CDH18: variants seen among roughly 807,000 people sequenced by gnomAD.
CDH18 encodes the protein cadherin-18.
Under a neutral mutation model 67.9 loss-of-function variants are expected in CDH18, and 31 were observed. The ratio of observed to expected loss-of-function variants is 0.46; its 90% CI spans 0.34 to 0.62. The LOEUF (loss-of-function observed/expected upper bound fraction) is 0.62. Ranked by LOEUF, CDH18 falls within the 20% of genes least tolerant of loss-of-function variation. The pLI, the probability that CDH18 is intolerant of heterozygous loss-of-function variation, is 0.01. For synonymous variants in CDH18, 362 were observed against 347.2 expected (o/e 1.04, Z -0.48); for missense variants, 890 against 975.5 (o/e 0.91, Z 1.17).
At chr5:19,673,561 G>C (rs1759056370) in intron 5 of CDH18, among the ~76,000 whole-genome samples, 1 of 151,870 alleles carries the variant, frequency 6.6e-6, no homozygotes, top group Admixed American at 6.6e-5. Context: ...TATATTTAGT[G>C]GTTGTTTCTT....
At chr5:19,814,651 C>T (rs1779101318) in intron 3 of CDH18, among the ~76,000 whole-genome samples, 1 of 151,842 alleles carries the variant, frequency 6.6e-6, no homozygotes, top group Non-Finnish European at 1.5e-5. Context: ...ATTTGATTTA[C>T]AAAGAAAACT....
intron 2 of CDH18, among the ~76,000 whole-genome samples, chr5:19,843,259 T>G (rs898260513): frequency 6.6e-6 from 1 of 152,094 alleles, no homozygotes; most frequent in Non-Finnish European, 1.5e-5. Context: ...CCTTGCTGCT[T>G]TGTGCAGTCT....
At chr5:20,472,431 T>C (rs982781) in intron 1 of CDH18, among the ~76,000 whole-genome samples, 8,355 of 152,240 alleles carry the variant, frequency 0.055, 760 homozygotes, top group African/African-American at 0.19. Context: ...CTGTAACAAA[T>C]GTACCACCTT....
intron 2 of CDH18, among the ~76,000 whole-genome samples, chr5:19,974,863 AT>A (rs1396067323): frequency 6.6e-6 from 1 of 152,082 alleles, no homozygotes; most frequent in Non-Finnish European, 1.5e-5. Context: ...GTGAAGAGGC[AT>A]TATGGATGGA....
intron 2 of CDH18, among the ~76,000 whole-genome samples, chr5:19,875,948 A>G (rs1786942699): frequency 6.6e-6 from 1 of 152,080 alleles, no homozygotes; most frequent in Admixed American, 6.6e-5. Flanking sequence ...ATTAAAATGA[A>G]TCAAAGTTAT....
chr5:20,482,311 T>C (rs1031282745), intron 1 of CDH18, among the ~76,000 whole-genome samples: 1 of 151,882 alleles, frequency 6.6e-6, no homozygotes, highest in Non-Finnish European at 1.5e-5. Context: ...TTCCAGCAAA[T>C]AAAAGCCTGG....
intron 4 of CDH18, among the ~76,000 whole-genome samples, chr5:19,736,698 C>A (rs1318516350): frequency 6.6e-6 from 1 of 152,014 alleles, no homozygotes; most frequent in African/African-American, 2.4e-5. Flanking sequence ...TGTGGGGGTG[C>A]TTTTTTCTTG....
At chr5:20,139,939 A>G (rs1750093088) in intron 2 of CDH18, among the ~76,000 whole-genome samples, 5 of 152,156 alleles carry the variant, frequency 3.3e-5, no homozygotes, top group Admixed American at 3.3e-4. Flanking sequence ...AACTAGAAAT[A>G]CCGTTTGACC....
Position 19,483,290 on chromosome 5 carries a change from G to T in CDH18, c.1882+11C>A, listed in dbSNP as rs533987792. 1.1e-5 allele frequency: 18 copies of T among 1,605,040 alleles called. No homozygotes were observed. In the South Asian group the frequency reaches 1.6e-4, roughly 14 times the overall value. On this transcript the variant is annotated intron_variant, in intron 12 of 12. Coordinates refer to ENST00000382275, the MANE Select transcript of CDH18 (RefSeq NM_004934.5). ...TGCCATCATGCAAACTTAGGGTTTAGAATGACTTACCCAGGAGAATGAGAA... is the reference window on the plus strand; with the variant it reads ...TGCCATCATGCAAACTTAGGGTTTATAATGACTTACCCAGGAGAATGAGAA...
At chr5:19,587,206 A>G (rs1744299034) in intron 7 of CDH18, among the ~76,000 whole-genome samples, 2 of 152,164 alleles carry the variant, frequency 1.3e-5, no homozygotes, top group African/African-American at 2.4e-5. Flanking sequence ...GAAGCTATTT[A>G]GTTTAATTAT....
chr5:20,233,044 T>G (rs2126510193), intron 2 of CDH18, among the ~76,000 whole-genome samples: 1 of 151,932 alleles, frequency 6.6e-6, no homozygotes, highest in African/African-American at 2.4e-5. Context: ...AATCCTGAAG[T>G]TAATATATAC....
chr5:20,314,126 T>C (rs1737252584), intron 1 of CDH18, among the ~76,000 whole-genome samples: 2 of 152,022 alleles, frequency 1.3e-5, no homozygotes, highest in Admixed American at 1.3e-4. Context: ...AAACCATAGG[T>C]GTCATATATA....
At chr5:20,308,456 T>A (rs1185632809) in intron 1 of CDH18, among the ~76,000 whole-genome samples, 2 of 151,126 alleles carry the variant, frequency 1.3e-5, no homozygotes, top group Non-Finnish European at 2.9e-5. Flanking sequence ...GGTAGGAGAA[T>A]CGCTTGAACC....
At chr5:20,338,332 A>G (rs903263328) in intron 1 of CDH18, among the ~76,000 whole-genome samples, 3 of 152,236 alleles carry the variant, frequency 2.0e-5, no homozygotes, top group African/African-American at 7.2e-5. Context: ...CTGCCTGGAA[A>G]GAAAGTATTT....
intron 1 of CDH18, among the ~76,000 whole-genome samples, chr5:20,516,510 T>A (rs568100064): frequency 6.6e-6 from 1 of 152,018 alleles, no homozygotes; most frequent in African/African-American, 2.4e-5. Context: ...CTGGTTCTTA[T>A]ATTTCTATGC....
intron 9 of CDH18, among the ~76,000 whole-genome samples, chr5:19,525,607 G>T (rs1336253755): frequency 6.6e-6 from 1 of 152,178 alleles, no homozygotes; most frequent in Non-Finnish European, 1.5e-5. Context: ...CTAAAAGTAG[G>T]ATGATGTATA....
At chr5:19,608,806 G>C (rs1028302092) in intron 6 of CDH18, among the ~76,000 whole-genome samples, 1 of 151,730 alleles carries the variant, frequency 6.6e-6, no homozygotes, top group African/African-American at 2.4e-5. Context: ...TGTGGCTGCA[G>C]TTGGTGCAAT....
chr5:20,420,232 G>A (rs2150157764), intron 1 of CDH18, among the ~76,000 whole-genome samples: 1 of 151,284 alleles, frequency 6.6e-6, no homozygotes, highest in East Asian at 1.9e-4. Flanking sequence ...ACTCGCTGAT[G>A]CTCTCTGCAC....
At chr5:20,281,475 T>C (rs1256383819) in intron 1 of CDH18, among the ~76,000 whole-genome samples, 3 of 152,094 alleles carry the variant, frequency 2.0e-5, no homozygotes, top group South Asian at 2.1e-4. Context: ...ATCCTTTCCC[T>C]ATTTCTTGTT....
Sources: gnomAD v4.1 joint callset for allele counts (sites outside exome capture counted in the v4.1 genomes callset) on GRCh38, gnomAD v4.1.1 for gene constraint, MANE v1.5 for transcripts, NCBI Gene and HGNC (gene_info 2026-07-23, HGNC 2026-07-21) for gene names.